Variants in GRK3 observed in about 807,000 individuals in gnomAD.
GRK3 encodes adrenergic, beta, receptor kinase 2.
A neutral mutation model predicts 95.7 loss-of-function variants in GRK3; 54 were observed. The observed-to-expected ratio is 0.56, with a 90% CI of 0.45 to 0.71. GRK3 has a LOEUF of 0.71. Among genes scored for constraint, GRK3 ranks in the 30% least tolerant of loss-of-function variants. The pLI is 0.00. For missense variants in GRK3, 649 were observed against 851.2 expected (o/e 0.76, Z 2.96); for synonymous variants, 281 against 290.8 (o/e 0.97, Z 0.34).
intron 2 of GRK3, among the ~76,000 whole-genome samples, chr22:25,637,421 T>C (rs755608131): frequency 6.6e-6 from 1 of 152,236 alleles, no homozygotes; most frequent in Non-Finnish European, 1.5e-5. Flanking sequence ...GCTGGATGTA[T>C]CAGTAGTTTG....
chr22:25,655,739 C>T (rs2084866287), intron 3 of GRK3, among the ~76,000 whole-genome samples: 1 of 152,138 alleles, frequency 6.6e-6, no homozygotes, highest in Non-Finnish European at 1.5e-5. Flanking sequence ...AGACCCTGAG[C>T]TTACAAATGC....
At chr22:25,623,976 C>T (rs1416221703) in intron 2 of GRK3, among the ~76,000 whole-genome samples, 4 of 152,164 alleles carry the variant, frequency 2.6e-5, no homozygotes, top group Non-Finnish European at 4.4e-5. Context: ...TTCCAATCTC[C>T]AGCTCTTTTC....
At chr22:25,674,566 T>A in intron 8 of GRK3, 38 bp downstream of exon 8, 1 of 1,409,470 alleles carries the variant, frequency 7.1e-7, no homozygotes, top group Non-Finnish European at 1.0e-6. Flanking sequence ...CTGGCACTAT[T>A]AAAATTTTAA....
intron 8 of GRK3, among the ~76,000 whole-genome samples, chr22:25,678,404 G>A (rs1219908650): frequency 6.6e-6 from 1 of 152,010 alleles, no homozygotes; most frequent in Non-Finnish European, 1.5e-5. Context: ...GAAGTGAGCT[G>A]GATCGTGCCA....
intron 3 of GRK3, among the ~76,000 whole-genome samples, chr22:25,652,516 A>G (rs1302256361): frequency 6.6e-6 from 1 of 152,190 alleles, no homozygotes; most frequent in African/African-American, 2.4e-5. Context: ...AAATTGCATG[A>G]CAGTAGCACA....
At chr22:25,568,846 A>G (rs1420699796) in intron 1 of GRK3, among the ~76,000 whole-genome samples, 1 of 152,278 alleles carries the variant, frequency 6.6e-6, no homozygotes, top group Non-Finnish European at 1.5e-5. Flanking sequence ...AGCATAATGC[A>G]TAGAACACAT....
intron 1 of GRK3, among the ~76,000 whole-genome samples, chr22:25,590,688 G>A (rs890747646): frequency 1.3e-5 from 2 of 152,150 alleles, no homozygotes; most frequent in Non-Finnish European, 2.9e-5. Flanking sequence ...AGGCATGGTG[G>A]TGGGCACCCA....
At chr22:25,647,479 T>C in intron 3 of GRK3, 1 of 1,348,970 alleles carries the variant, frequency 7.4e-7, no homozygotes, top group Non-Finnish European at 1.1e-6. Flanking sequence ...CTTTTGGAGG[T>C]GGGCATCTTC....
Position 25,604,364 on chromosome 22 carries a change from T to A in GRK3, c.114-13T>A, listed in dbSNP as rs1340587273. On this transcript the variant is annotated splice_polypyrimidine_tract_variant and intron_variant, in intron 1 of 20. Coordinates refer to ENST00000324198, the MANE Select transcript of GRK3 (RefSeq NM_005160.4). Reference sequence around the variant, plus strand: ...GGCTGTATTGTTAAAAATGTGTCACTCTTCCCTTCCAGTATCCGGAGTGTG... The same window carrying A: ...GGCTGTATTGTTAAAAATGTGTCACACTTCCCTTCCAGTATCCGGAGTGTG... The A allele has an allele frequency of 6.2e-7, 1 of 1,601,374 alleles. No homozygotes were observed.
intron 1 of GRK3, among the ~76,000 whole-genome samples, chr22:25,585,730 T>C (rs1411201772): frequency 6.6e-6 from 1 of 152,292 alleles, no homozygotes; most frequent in Non-Finnish European, 1.5e-5. Context: ...TGGTGCAAAC[T>C]TAGAGGCAGA....
At chr22:25,646,610 A>G (rs1486290612) in intron 3 of GRK3, among the ~76,000 whole-genome samples, 2 of 152,216 alleles carry the variant, frequency 1.3e-5, no homozygotes, top group East Asian at 1.9e-4. Context: ...AAACTATGAC[A>G]AAGTTTTTAA....
chr22:25,607,500 T>C (rs140360391), intron 2 of GRK3, among the ~76,000 whole-genome samples: 3,644 of 151,966 alleles, frequency 0.024, 49 homozygotes, highest in East Asian at 0.037. Flanking sequence ...ACCGAAGAAA[T>C]TGGGTCCTGT....
intron 3 of GRK3, chr22:25,649,264 T>C: frequency 9.7e-7 from 1 of 1,030,192 alleles, no homozygotes. Flanking sequence ...TATGCTCACA[T>C]CTGCCAAAAT....
intron 8 of GRK3, among the ~76,000 whole-genome samples, chr22:25,675,357 C>T (rs538613708): frequency 2.5e-4 from 38 of 152,232 alleles, no homozygotes; most frequent in East Asian, 1.7e-3. Flanking sequence ...CCTTGGTTAA[C>T]GTTTTTCCTG....
chr22:25,566,233 T>A (rs1191570533), intron 1 of GRK3, among the ~76,000 whole-genome samples: 1 of 152,114 alleles, frequency 6.6e-6, no homozygotes, highest in African/African-American at 2.4e-5. Flanking sequence ...AAAAGAGGCA[T>A]CTTGTTTATG....
intron 3 of GRK3, among the ~76,000 whole-genome samples, chr22:25,652,056 A>G (rs944067120): frequency 7.9e-5 from 12 of 152,218 alleles, no homozygotes; most frequent in South Asian, 2.1e-4. Flanking sequence ...ATATAAGGAT[A>G]TAGTTAGACA....
At chr22:25,621,168 A>G (rs1366023858) in intron 2 of GRK3, among the ~76,000 whole-genome samples, 1 of 152,252 alleles carries the variant, frequency 6.6e-6, no homozygotes, top group African/African-American at 2.4e-5. Flanking sequence ...TATCCCTGCT[A>G]TAGAGATAGT....
intron 1 of GRK3, among the ~76,000 whole-genome samples, chr22:25,575,672 A>G (rs1222447593): frequency 2.0e-5 from 3 of 152,250 alleles, no homozygotes; most frequent in Non-Finnish European, 4.4e-5. Flanking sequence ...ATGATGTTTT[A>G]TAGTTTTATA....
At chr22:25,646,622 C>T (rs2084784303) in intron 3 of GRK3, among the ~76,000 whole-genome samples, 1 of 151,954 alleles carries the variant, frequency 6.6e-6, no homozygotes, top group Admixed American at 6.5e-5. Context: ...AGTTTTTAAA[C>T]TAGGAAAAAA....
Sources: allele counts gnomAD v4.1 joint callset (sites outside exome capture counted in the v4.1 genomes callset), GRCh38; gene constraint gnomAD v4.1.1; transcripts MANE v1.5; gene names NCBI Gene and HGNC (gene_info 2026-07-23, HGNC 2026-07-21).